NHSL1: variants seen among roughly 807,000 people sequenced by gnomAD.
NHSL1 encodes the protein NHS-like protein 1.
Under a neutral mutation model 95.0 loss-of-function variants are expected in NHSL1, and 48 were observed. That is an observed-to-expected ratio of 0.51 (90% CI 0.40 to 0.64). The LOEUF is 0.64. Ranked by LOEUF, NHSL1 falls within the 30% of genes least tolerant of loss-of-function variation. NHSL1 has a pLI of 0.00. For missense variants in NHSL1, 1,971 were observed against 2,077.7 expected (o/e 0.95, Z 1.00); for synonymous variants, 783 against 833.9 (o/e 0.94, Z 1.05).
chr6:138,568,932 A>G (rs1490904071), intron 1 of NHSL1, among the ~76,000 whole-genome samples: 1 of 152,260 alleles, frequency 6.6e-6, no homozygotes, highest in African/African-American at 2.4e-5. Context: ...CCTGATAACA[A>G]TCCAGCATAG....
chr6:138,557,732 G>C (rs1783246424), intron 1 of NHSL1, among the ~76,000 whole-genome samples: 1 of 152,216 alleles, frequency 6.6e-6, no homozygotes, highest in Non-Finnish European at 1.5e-5. Flanking sequence ...GTCACGAGAA[G>C]TGGATTCAAA....
At chr6:138,625,845 G>A (rs1487203932) in intron 1 of NHSL1, among the ~76,000 whole-genome samples, 1 of 152,056 alleles carries the variant, frequency 6.6e-6, no homozygotes, top group Non-Finnish European at 1.5e-5. Context: ...GGTCTCACCT[G>A]TTCCCCAGGT....
At chr6:138,591,548 C>T (rs1234677954) in intron 1 of NHSL1, among the ~76,000 whole-genome samples, 1 of 152,168 alleles carries the variant, frequency 6.6e-6, no homozygotes, top group African/African-American at 2.4e-5. Flanking sequence ...TCTTGAGTGG[C>T]TGAGACCACA....
intron 1 of NHSL1, among the ~76,000 whole-genome samples, chr6:138,670,699 A>G (rs1407896895): frequency 6.6e-6 from 1 of 151,460 alleles, no homozygotes; most frequent in Non-Finnish European, 1.5e-5. Context: ...TTAAAAACTC[A>G]GTCTCAGAGA....
intron 1 of NHSL1, among the ~76,000 whole-genome samples, chr6:138,600,368 G>C (rs1484258935): frequency 6.6e-6 from 1 of 152,100 alleles, no homozygotes; most frequent in East Asian, 1.9e-4. Flanking sequence ...TAAGTAGTTG[G>C]GACTATAGGC....
At chr6:138,502,867 C>G (rs936915174), upstream of NHSL1, among the ~76,000 whole-genome samples, 1 of 152,092 alleles carries the variant, frequency 6.6e-6, no homozygotes, top group Non-Finnish European at 1.5e-5. Flanking sequence ...TGTAAACATA[C>G]GTAAGTGTAT....
intron 1 of NHSL1, among the ~76,000 whole-genome samples, chr6:138,622,507 T>TAACCAAAAAAAAACCAAA (rs1272183816): frequency 3.3e-5 from 5 of 151,950 alleles, no homozygotes; most frequent in African/African-American, 1.2e-4. Context: ...AAAAAAACAA[T>TAACCAAAAAAAAACCAAA]AACCTTTTGG....
Position 138,541,084 on chromosome 6 carries a change from C to T in NHSL1, c.16+4539G>A, listed in dbSNP as rs76935197. Among the ~76,000 whole-genome samples, 511 of 152,230 alleles carry T rather than the reference C, an allele frequency of 3.4e-3. 2 individuals carry two copies. Among genetic ancestry groups the T allele is most frequent in the Non-Finnish European group, 5.6e-3 (380 of 68,014 alleles). On this transcript the variant is annotated intron_variant, in intron 1 of 4. Coordinates refer to the NHSL1 transcript ENST00000342260. ...ATCCTGTCCATATTAAAAGCAACATCAGGCCAGGCGTGGTGGCTCACGCCT... is the reference window on the plus strand; with the variant it reads ...ATCCTGTCCATATTAAAAGCAACATTAGGCCAGGCGTGGTGGCTCACGCCT...
upstream of NHSL1, among the ~76,000 whole-genome samples, chr6:138,574,766 C>T (rs1283542658): frequency 2.6e-5 from 4 of 151,812 alleles, no homozygotes; most frequent in East Asian, 5.8e-4. Flanking sequence ...GTGGGAGGAT[C>T]GCTTGAGCCC....
chr6:138,593,594 A>G (rs1253636984), intron 1 of NHSL1, among the ~76,000 whole-genome samples: 1 of 152,238 alleles, frequency 6.6e-6, no homozygotes, highest in Non-Finnish European at 1.5e-5. Flanking sequence ...ACCTACTGTA[A>G]AACAACAAAC....
At chr6:138,567,908 GATCATCA>G (rs1783680427) in intron 1 of NHSL1, among the ~76,000 whole-genome samples, 1 of 152,100 alleles carries the variant, frequency 6.6e-6, no homozygotes, top group South Asian at 2.1e-4. Flanking sequence ...CCAATACCAG[GATCATCA>G]ATCACGCTTC....
chr6:138,521,931 A>C (rs1362277222), intron 1 of NHSL1, among the ~76,000 whole-genome samples: 1 of 152,190 alleles, frequency 6.6e-6, no homozygotes, highest in Non-Finnish European at 1.5e-5. Context: ...ACTCTTGGTC[A>C]GAAAGAAGAG....
At chr6:138,559,870 A>C (rs1460197732) in intron 1 of NHSL1, among the ~76,000 whole-genome samples, 2 of 152,234 alleles carry the variant, frequency 1.3e-5, no homozygotes, top group Non-Finnish European at 2.9e-5. Flanking sequence ...AAGCTATTCC[A>C]TGTACGCATG....
chr6:138,532,070 A>G (rs1375308520), intron 1 of NHSL1, among the ~76,000 whole-genome samples: 1 of 152,236 alleles, frequency 6.6e-6, no homozygotes, highest in African/African-American at 2.4e-5. Flanking sequence ...AACTTCCAAG[A>G]GGAGGTAACA....
intron 2 of NHSL1, among the ~76,000 whole-genome samples, chr6:138,485,738 A>G (rs1157689175): frequency 1.3e-5 from 2 of 152,170 alleles, no homozygotes; most frequent in Non-Finnish European, 2.9e-5. Context: ...CTTTTTCTCA[A>G]TAGGGCATTT....
chr6:138,638,660 T>C (rs1320040562), intron 1 of NHSL1, among the ~76,000 whole-genome samples: 2 of 152,200 alleles, frequency 1.3e-5, no homozygotes, highest in African/African-American at 4.8e-5. Flanking sequence ...ATTATTCAAC[T>C]GACCTGAGAA....
chr6:138,491,348 CAT>C (rs1311722775), intron 2 of NHSL1, among the ~76,000 whole-genome samples: 1 of 152,170 alleles, frequency 6.6e-6, no homozygotes, highest in Non-Finnish European at 1.5e-5. Context: ...TTAAAAGTGA[CAT>C]GTCTTTATTT....
At chr6:138,624,681 T>G (rs769033548) in intron 1 of NHSL1, among the ~76,000 whole-genome samples, 11 of 152,180 alleles carry the variant, frequency 7.2e-5, no homozygotes, top group African/African-American at 1.7e-4. Flanking sequence ...AACAGCCTCC[T>G]TCTGACACTT....
At chr6:138,629,588 G>T (rs1008887667) in intron 1 of NHSL1, among the ~76,000 whole-genome samples, 1 of 152,136 alleles carries the variant, frequency 6.6e-6, no homozygotes, top group Non-Finnish European at 1.5e-5. Flanking sequence ...TCACCATGTT[G>T]GCCAGGCTGG....
Sources: gnomAD v4.1 joint callset for allele counts (sites outside exome capture counted in the v4.1 genomes callset) on GRCh38, gnomAD v4.1.1 for gene constraint, MANE v1.5 for transcripts, NCBI Gene and HGNC (gene_info 2026-07-23, HGNC 2026-07-21) for gene names.